PARD3B: variants seen among roughly 807,000 people sequenced by gnomAD.
PARD3B encodes the protein par-3 family cell polarity regulator beta, also known as partitioning defective 3 homolog B.
In PARD3B, 103 loss-of-function variants were observed where a neutral mutation model predicts 130.2. The observed-to-expected ratio is 0.79, with a 90% CI of 0.67 to 0.93. The LOEUF (loss-of-function observed/expected upper bound fraction) is 0.93. PARD3B is among the 40% of genes least tolerant of loss of function. The pLI, the probability that PARD3B is intolerant of heterozygous loss-of-function variation, is 0.00. For synonymous variants in PARD3B, 583 were observed against 553.2 expected, an observed-to-expected ratio of 1.05 and a Z score of -0.76; for missense variants, 1,609 against 1,499.2, an observed-to-expected ratio of 1.07 and a Z score of -1.21.
rs1219129076 is a variant in PARD3B, at chr2:204,677,223, A to G, written c.121-8958A>G. ...TAAAATATAGTCTCCAGTGTAATCC[A>G]GATACTTCCTCTGGTGCTCAACTGA... On this transcript the variant is annotated intron_variant, in intron 1 of 22. Transcript: ENST00000406610. The surrounding 1 kb of genome is among the most constrained non-coding windows in gnomAD (Gnocchi z 4.1). Among the ~76,000 whole-genome samples, 4 of 152,208 alleles carry G rather than the reference A, an allele frequency of 2.6e-5. No homozygotes were observed. The highest frequency in any genetic ancestry group is 7.2e-5 in the African/African-American group (3 of 41,458).
At chr2:205,527,867 C>T (rs2106419994) in intron 21 of PARD3B, among the ~76,000 whole-genome samples, 1 of 152,274 alleles carries the variant, frequency 6.6e-6, no homozygotes, top group South Asian at 2.1e-4. Context: ...ATACAAGGTC[C>T]AATTCTCTCT....
At chr2:205,035,936 AT>A (rs977474573) in intron 3 of PARD3B, among the ~76,000 whole-genome samples, 2 of 142,690 alleles carry the variant, frequency 1.4e-5, no homozygotes, top group Non-Finnish European at 3.0e-5. Flanking sequence ...CTATATATAT[AT>A]ATATATATAT....
chr2:205,431,671 A>C (rs943247839), intron 19 of PARD3B, among the ~76,000 whole-genome samples: 1 of 151,524 alleles, frequency 6.6e-6, no homozygotes, highest in East Asian at 2.0e-4. Flanking sequence ...GGGTTTCACT[A>C]TGTTGGCCAG....
At chr2:204,585,417 C>T (rs528664559) in intron 1 of PARD3B, among the ~76,000 whole-genome samples, 49 of 152,124 alleles carry the variant, frequency 3.2e-4, no homozygotes, top group African/African-American at 1.2e-3. Context: ...ACTGTAACCT[C>T]GAACTCCTGG....
chr2:205,358,633 T>G (rs541232945), intron 18 of PARD3B, among the ~76,000 whole-genome samples: 6 of 152,354 alleles, frequency 3.9e-5, no homozygotes, highest in Non-Finnish European at 8.8e-5. Flanking sequence ...TGCATTTTTC[T>G]CAAGCTTGAG....
chr2:204,889,811 C>T (rs17595672), intron 2 of PARD3B, among the ~76,000 whole-genome samples: 2,760 of 152,230 alleles, frequency 0.018, 56 homozygotes, highest in East Asian at 0.11. Flanking sequence ...TCAACTGATT[C>T]AAGGCTGGTG....
At chr2:205,393,566 T>C (rs938433902) in intron 18 of PARD3B, among the ~76,000 whole-genome samples, 2 of 152,234 alleles carry the variant, frequency 1.3e-5, no homozygotes, top group East Asian at 3.8e-4. Context: ...TTCAGCTCTC[T>C]TTGGATTCAT....
At chr2:204,663,247 A>G (rs2035894565) in intron 1 of PARD3B, among the ~76,000 whole-genome samples, 1 of 151,988 alleles carries the variant, frequency 6.6e-6, no homozygotes, top group South Asian at 2.1e-4. Context: ...TGCCATTCTC[A>G]TGTGAGCTAG....
intron 15 of PARD3B, among the ~76,000 whole-genome samples, chr2:205,243,753 G>T (rs144889555): frequency 1.3e-5 from 2 of 152,028 alleles, no homozygotes; most frequent in African/African-American, 4.8e-5. Context: ...TTAAGTTCAG[G>T]CTTCTCCATT....
At chr2:204,991,993 G>C (rs1693745113) in intron 3 of PARD3B, among the ~76,000 whole-genome samples, 1 of 151,920 alleles carries the variant, frequency 6.6e-6, no homozygotes, top group Non-Finnish European at 1.5e-5. Context: ...TGTCAGATGA[G>C]TAGGTTGCAA....
At chr2:204,758,262 G>C (rs2040760158) in intron 2 of PARD3B, among the ~76,000 whole-genome samples, 1 of 152,116 alleles carries the variant, frequency 6.6e-6, no homozygotes, top group African/African-American at 2.4e-5. Context: ...AAGGTCACTT[G>C]GCTAAAACAA....
At chr2:205,436,383 A>G (rs1398085699) in intron 19 of PARD3B, among the ~76,000 whole-genome samples, 1 of 152,060 alleles carries the variant, frequency 6.6e-6, no homozygotes, top group East Asian at 1.9e-4. Context: ...TATTCCCTCT[A>G]TGTTTTCAAA....
rs10707308 is a variant in PARD3B at position 205,249,006 on chromosome 2, G to GTTTTTTTTTTTTTT, written c.2185+3192_2185+3205dup. Among the ~76,000 whole-genome samples, 104 of 95,096 alleles carry GTTTTTTTTTTTTTT rather than the reference G, an allele frequency of 1.1e-3. 4 individuals carry two copies. The highest frequency in any genetic ancestry group is 4.7e-3 in the African/African-American group (101 of 21,472). 62.4% of individuals were successfully genotyped at this position (95,096 alleles called of 152,430 possible). A position where few individuals can be genotyped will look rare whatever the true frequency, so the allele number is the denominator to read the frequency against. On this transcript the variant is annotated intron_variant, in intron 16 of 22. Transcript: ENST00000406610. ...TCAGAATATTTAGGTTAAAATAAGA[G>GTTTTTTTTTTTTTT]TTTTTTTTTTTTTTTTTTTTTGAGA... is the stretch of plus-strand genomic sequence containing the variant.
chr2:205,408,465 C>A (rs982998512), intron 19 of PARD3B, among the ~76,000 whole-genome samples: 1 of 152,022 alleles, frequency 6.6e-6, no homozygotes, highest in Non-Finnish European at 1.5e-5. Flanking sequence ...AACATTTGTT[C>A]ATATTGAAAA....
At chr2:205,101,253 G>A (rs1472258809) in intron 4 of PARD3B, among the ~76,000 whole-genome samples, 1 of 151,806 alleles carries the variant, frequency 6.6e-6, no homozygotes, top group African/African-American at 2.4e-5. Flanking sequence ...AAACTACAAT[G>A]ACATATCACT....
At position 205,331,319 on chromosome 2, in the gene PARD3B, A is replaced by G. The variant is rs116791518; in HGVS notation, c.2630+29618A>G. Among the ~76,000 whole-genome samples, 384 of 151,730 alleles carry G rather than the reference A, an allele frequency of 2.5e-3. 4 individuals carry two copies. The highest frequency in any genetic ancestry group is 9.0e-3 in the African/African-American group (374 of 41,350). On this transcript the variant is annotated intron_variant, in intron 18 of 22. Coordinates refer to ENST00000406610, the MANE Select transcript of PARD3B (RefSeq NM_001302769.2). ...CACATACACACACACTCCATAGATG[A>G]CAGATCAGGTATCAATGATCCTAGT...
intron 18 of PARD3B, among the ~76,000 whole-genome samples, chr2:205,316,685 C>T (rs1026232027): frequency 6.6e-6 from 1 of 152,062 alleles, no homozygotes; most frequent in Admixed American, 6.6e-5. Flanking sequence ...AGTTTAAATT[C>T]GGATATGTGC....
rs2054110747 is a variant in PARD3B at position 205,584,264 on chromosome 2, A to T, written c.3260+30861A>T. On this transcript the variant is annotated intron_variant, in intron 22 of 22. Coordinates refer to ENST00000406610, the MANE Select transcript of PARD3B (RefSeq NM_001302769.2). The surrounding 1 kb of genome is among the most constrained non-coding windows in gnomAD (Gnocchi z 5.5). The stretch of plus-strand genomic sequence containing the variant: ...TGCCAAAAGCAAAAGAATATTAAAT[A>T]TAAATTATTTTTATATGGATTACTT... 6.6e-6 allele frequency among the ~76,000 whole-genome samples: 1 copy of T among 152,238 alleles called. No homozygotes were observed. Among genetic ancestry groups the T allele is most frequent in the Admixed American group, 6.5e-5 (1 of 15,286 alleles).
At chr2:205,615,336 T>C in intron 22 of PARD3B, 120 bp from the exon 23 acceptor site, 1 of 743,944 alleles carries the variant, frequency 1.3e-6, no homozygotes, top group Non-Finnish European at 2.3e-6. Flanking sequence ...TCTGCTCCCA[T>C]CCCATTGGCC....
Sources: gnomAD v4.1 joint callset for allele counts (sites outside exome capture counted in the v4.1 genomes callset) on GRCh38, gnomAD v4.1.1 for gene constraint, Gnocchi (gnomAD v3.1) non-coding constraint, MANE v1.5 for transcripts, NCBI Gene and HGNC (gene_info 2026-07-23, HGNC 2026-07-21) for gene names.